SORCS2: variants seen among roughly 807,000 people sequenced by gnomAD.
The protein encoded by SORCS2 is VPS10 domain-containing receptor SorCS2.
In SORCS2, 100 loss-of-function variants were observed where a neutral mutation model predicts 141.6. That is an observed-to-expected ratio of 0.71 (90% CI 0.60 to 0.83). The LOEUF (loss-of-function observed/expected upper bound fraction) is 0.83. Ranked by LOEUF, SORCS2 falls within the 40% of genes least tolerant of loss-of-function variation. The pLI is 0.00. For missense variants in SORCS2, 1,646 were observed against 1,560.2 expected, an observed-to-expected ratio of 1.05 and a Z score of -0.93; for synonymous variants, 789 against 676.9, an observed-to-expected ratio of 1.17 and a Z score of -2.57.
intron 3 of SORCS2, among the ~76,000 whole-genome samples, chr4:7,546,360 C>A (rs986289875): frequency 6.6e-6 from 1 of 152,184 alleles, no homozygotes; most frequent in African/African-American, 2.4e-5. Context: ...TGGCAAAGCT[C>A]AGCCTGCCCA....
chr4:7,252,348 C>G (rs1713561931), intron 1 of SORCS2, among the ~76,000 whole-genome samples: 1 of 152,092 alleles, frequency 6.6e-6, no homozygotes. Flanking sequence ...GCAGGATGGG[C>G]CCGGGTGGGG....
At chr4:7,288,957 A>G (rs191605098) in intron 1 of SORCS2, among the ~76,000 whole-genome samples, 1 of 149,132 alleles carries the variant, frequency 6.7e-6, no homozygotes, top group African/African-American at 2.5e-5. Flanking sequence ...AAGCCTTCCT[A>G]TCTTTCCTTT....
chr4:7,719,192 C>T (rs4689839), intron 18 of SORCS2, among the ~76,000 whole-genome samples: 57,148 of 152,102 alleles, frequency 0.38, 12,077 homozygotes, highest in Non-Finnish European at 0.49. Flanking sequence ...CTTCAAAATA[C>T]GGTGCCAAGG....
At chr4:7,698,271 T>G (rs981048209) in intron 12 of SORCS2, among the ~76,000 whole-genome samples, 4 of 152,218 alleles carry the variant, frequency 2.6e-5, no homozygotes, top group Non-Finnish European at 5.9e-5. Flanking sequence ...ACGTTCTGTT[T>G]GAGGTCAGTG....
chr4:7,452,870 CA>C (rs1728561890), intron 2 of SORCS2, among the ~76,000 whole-genome samples: 1 of 136,274 alleles, frequency 7.3e-6, no homozygotes, highest in Non-Finnish European at 1.6e-5. Flanking sequence ...GTGTTGGGGT[CA>C]GGTGCCGTGT....
intron 1 of SORCS2, among the ~76,000 whole-genome samples, chr4:7,246,316 C>T (rs998884610): frequency 2.6e-5 from 4 of 152,184 alleles, no homozygotes; most frequent in Non-Finnish European, 4.4e-5. Flanking sequence ...CAAACACATC[C>T]GGATCCCTCC....
chr4:7,714,345 T>C lies in SORCS2; in HGVS notation c.2095T>C (p.Cys699Arg). 2 of 1,563,204 alleles carry C rather than the reference T, an allele frequency of 1.3e-6. No homozygotes were observed. Among genetic ancestry groups the C allele is most frequent in the Non-Finnish European group, 1.7e-6 (2 of 1,153,634 alleles). Reference protein sequence around the residue: ...SFTSALTSRVCECRDSDFLCD... With the variant: ...SFTSALTSRVRECRDSDFLCD... ...CACGTCGGCGCTCACGTCCCGCGTG[T>C]GCGAGTGCCGGGACTCGGACTTCCT... The change falls in exon 16 of 27, where the codon TGC (cysteine) becomes CGC (arginine). Residue 699 changes from cysteine to arginine, a missense_variant. Cys to Arg is a radical substitution (Grantham distance 180, BLOSUM62 -3). Transcript: ENST00000507866.
At position 7,596,801 on chromosome 4, in the gene SORCS2, G is replaced by A. The variant is rs1717304101; in HGVS notation, c.649-41527G>A. Among the ~76,000 whole-genome samples, 3 of 152,090 alleles carry A rather than the reference G, an allele frequency of 2.0e-5. No homozygotes were observed. The South Asian group carries it at 6.2e-4, about 32-fold the overall frequency. ...AGGGGCTTTCATGTTTCAGGAAATGGAGCCTAGGAGGGGCTTGGACTGCTC... is the reference window on the plus strand; with the variant it reads ...AGGGGCTTTCATGTTTCAGGAAATGAAGCCTAGGAGGGGCTTGGACTGCTC... On this transcript the variant is annotated intron_variant, in intron 3 of 26. Coordinates refer to ENST00000507866, the MANE Select transcript of SORCS2 (RefSeq NM_020777.3).
At chr4:7,269,568 A>T (rs562213760) in intron 1 of SORCS2, among the ~76,000 whole-genome samples, 33 of 152,216 alleles carry the variant, frequency 2.2e-4, no homozygotes, top group Non-Finnish European at 4.7e-4. Context: ...GAGCTTTGAG[A>T]CATTCGTCAC....
chr4:7,224,810 C>T (rs1413144119), intron 1 of SORCS2, among the ~76,000 whole-genome samples: 2 of 152,246 alleles, frequency 1.3e-5, no homozygotes, highest in Admixed American at 6.5e-5. Context: ...CCTTCCAGGA[C>T]AGTCCTGGGG....
At position 7,201,407 on chromosome 4, in the gene SORCS2, A is replaced by G. The variant is rs577529100; in HGVS notation, c.480+8281A>G. On this transcript the variant is annotated intron_variant, in intron 1 of 26. Transcript: ENST00000507866. The surrounding 1 kb of genome is among the most constrained non-coding windows in gnomAD (Gnocchi z 4.4). ...TTGTAGTTGCGTGAAGGTTCCTGAG[A>G]GTATTCTAAAGAGGTCATAAATTAG... Among the ~76,000 whole-genome samples, 90 of 152,366 alleles carry G rather than the reference A, an allele frequency of 5.9e-4. No homozygotes were observed. The highest frequency in any genetic ancestry group is 1.9e-3 in the African/African-American group (80 of 41,586).
chr4:7,302,789 G>GTGTGTGT (rs78527307), intron 1 of SORCS2, among the ~76,000 whole-genome samples: 2 of 122,288 alleles, frequency 1.6e-5, no homozygotes, highest in Middle Eastern at 4.1e-3. Context: ...GTGTGTGTGT[G>GTGTGTGT]CGCGCGCGTG....
intron 15 of SORCS2, among the ~76,000 whole-genome samples, chr4:7,713,739 A>C (rs556048714): frequency 6.6e-6 from 1 of 152,306 alleles, no homozygotes; most frequent in African/African-American, 2.4e-5. Flanking sequence ...GGATTTCACA[A>C]GGAAGTGCTC....
chr4:7,641,207 C>T (rs2108871865), intron 4 of SORCS2, among the ~76,000 whole-genome samples: 1 of 152,270 alleles, frequency 6.6e-6, no homozygotes, highest in Admixed American at 6.5e-5. Context: ...TAAGAACTAC[C>T]TGAGACTGAT....
At chr4:7,267,626 T>A (rs1714837859) in intron 1 of SORCS2, among the ~76,000 whole-genome samples, 1 of 152,010 alleles carries the variant, frequency 6.6e-6, no homozygotes. Flanking sequence ...AGGTCAGGAG[T>A]TCGAGACCAG....
intron 1 of SORCS2, among the ~76,000 whole-genome samples, chr4:7,384,679 C>T (rs2109077540): frequency 6.6e-6 from 1 of 152,320 alleles, no homozygotes; most frequent in Admixed American, 6.5e-5. Context: ...GTTCTGGGTT[C>T]CCACCTCCTT....
At position 7,629,464 on chromosome 4, in the gene SORCS2, G is replaced by A. The variant is rs146722798; in HGVS notation, c.649-8864G>A. Among the ~76,000 whole-genome samples the A allele has an allele frequency of 3.4e-3, 513 of 152,042 alleles. 2 individuals carry two copies. The highest frequency in any genetic ancestry group is 0.01 in the Middle Eastern group (3 of 294). On this transcript the variant is annotated intron_variant, in intron 3 of 26. Coordinates refer to ENST00000507866, the MANE Select transcript of SORCS2 (RefSeq NM_020777.3). ...AGGCCCAGCTGAGAGGTGAGGGAGG[G>A]AGGAGGTGGGAGTCAGGAGGTGGGA...
intron 2 of SORCS2, among the ~76,000 whole-genome samples, chr4:7,452,994 G>T (rs1294533186): frequency 1.8e-5 from 2 of 113,494 alleles, no homozygotes; most frequent in Non-Finnish European, 4.1e-5. Context: ...CAGGCTCCGT[G>T]TTGGGGTCAG....
At chr4:7,595,510 G>T (rs1348749414) in intron 3 of SORCS2, among the ~76,000 whole-genome samples, 1 of 151,968 alleles carries the variant, frequency 6.6e-6, no homozygotes, top group Non-Finnish European at 1.5e-5. Flanking sequence ...CCATCCCAAA[G>T]CTGTCTCCAC....
Sources: allele counts gnomAD v4.1 joint callset (sites outside exome capture counted in the v4.1 genomes callset), GRCh38; gene constraint gnomAD v4.1.1; non-coding constraint Gnocchi (gnomAD v3.1); transcripts MANE v1.5; gene names NCBI Gene and HGNC (gene_info 2026-07-23, HGNC 2026-07-21).